The following CACNA1C variants were observed in gnomAD, a reference collection of about 807,000 sequenced individuals.
CACNA1C encodes the protein voltage-dependent L-type calcium channel subunit alpha-1C.
In CACNA1C, 30 loss-of-function variants were observed where a neutral mutation model predicts 229.0. The ratio of observed to expected loss-of-function variants is 0.13; its 90% CI spans 0.10 to 0.18. CACNA1C has a LOEUF of 0.18. CACNA1C is among the 10% of genes least tolerant of loss of function. The probability of loss-of-function intolerance (pLI) is 1.00; values close to 1 mark genes in which losing one functional copy is unlikely to be tolerated. For missense variants in CACNA1C, 1,658 were observed against 2,845.0 expected, an observed-to-expected ratio of 0.58 and a Z score of 9.49; for synonymous variants, 1,114 against 1,132.5, an observed-to-expected ratio of 0.98 and a Z score of 0.33.
At chr12:2,161,847 TG>T in intron 3 of CACNA1C, among the ~76,000 whole-genome samples, 1 of 152,330 alleles carries the variant, frequency 6.6e-6, no homozygotes, top group Middle Eastern at 3.4e-3. Flanking sequence ...GCAGAAATGC[TG>T]GTTGGGGATC....
intron 3 of CACNA1C, among the ~76,000 whole-genome samples, chr12:2,340,944 G>A (rs1358386990): frequency 1.3e-5 from 2 of 149,094 alleles, no homozygotes; most frequent in African/African-American, 5.2e-5. Context: ...GCGACAGAGT[G>A]AGACTCCGTC....
rs1601019645 is a variant in CACNA1C at position 2,582,896 on chromosome 12, G to A, written c.2178G>A (p.Gly726=). 6.2e-7 allele frequency: 1 copy of A among 1,604,238 alleles called. No homozygotes were observed. The highest frequency in any genetic ancestry group is 1.1e-5 in the South Asian group (1 of 89,214). The change falls in exon 15 of 47, where the codon GGG becomes GGA. Residue 726 remains glycine, a synonymous_variant. Transcript: ENST00000399655. ...IMAYGGPSFP[G]MLVCIYFIIL... is the part of the protein sequence containing the mutation. ...CTTATGGCGGCCCCTCTTTTCCAGG[G>A]ATGTTAGTCTGTATTTACTTCATCA...
At position 2,696,159 on chromosome 12, in the gene CACNA1C, G is replaced by T. The variant is rs2153903423; in HGVS notation, c.*4960G>T. 6.6e-6 allele frequency: 1 copy of T among 152,328 alleles called. No individual in the cohort carries two copies. The highest frequency in any genetic ancestry group is 3.4e-3 in the Middle Eastern group (1 of 294). The allele number at this position is 152,328 out of a possible 1,614,324, so 9.4% of individuals were successfully genotyped here. A position where few individuals can be genotyped will look rare whatever the true frequency, so the allele number is the denominator to read the frequency against. ...GGTTTGAGCCACAGCACCTGAAGTG[G>T]CAAAGATCCATGGTCTTTGTAGGGT... On this transcript the variant is annotated 3_prime_UTR_variant, in exon 47 of 47. Coordinates refer to ENST00000399655, the MANE Select transcript of CACNA1C (RefSeq NM_000719.7).
At chr12:2,402,546 C>T (rs937116773) in intron 3 of CACNA1C, among the ~76,000 whole-genome samples, 5 of 152,230 alleles carry the variant, frequency 3.3e-5, no homozygotes, top group African/African-American at 1.2e-4. Flanking sequence ...TAAGCAAAGC[C>T]TTTAACCTCT....
chr12:2,008,013 T>C (rs922599916), intron 1 of CACNA1C, among the ~76,000 whole-genome samples: 2 of 152,254 alleles, frequency 1.3e-5, no homozygotes, highest in Non-Finnish European at 2.9e-5. Context: ...AAATCTAGCC[T>C]GAAAACATTA....
At chr12:2,420,151 G>A (rs1047705563) in intron 3 of CACNA1C, among the ~76,000 whole-genome samples, 4 of 150,222 alleles carry the variant, frequency 2.7e-5, no homozygotes, top group Non-Finnish European at 5.9e-5. Context: ...GTGTGTGTAG[G>A]GGGAGGGAGC....
At chr12:2,644,605 A>T (rs1376178438) in intron 30 of CACNA1C, among the ~76,000 whole-genome samples, 1 of 152,152 alleles carries the variant, frequency 6.6e-6, no homozygotes, top group African/African-American at 2.4e-5. Flanking sequence ...CTGGTGGGAA[A>T]ATCCTCCACC....
intron 9 of CACNA1C, among the ~76,000 whole-genome samples, chr12:2,535,850 T>C (rs1179986516): frequency 6.6e-6 from 1 of 151,448 alleles, no homozygotes; most frequent in Non-Finnish European, 1.5e-5. Flanking sequence ...GGAGAAGAAT[T>C]AAAGCAAAGG....
At chr12:2,190,216 C>T (rs954089557) in intron 3 of CACNA1C, among the ~76,000 whole-genome samples, 3 of 152,176 alleles carry the variant, frequency 2.0e-5, no homozygotes, top group Non-Finnish European at 4.4e-5. Flanking sequence ...TGTGAAATGG[C>T]GTGTTTAAAC....
chr12:2,681,002 T>G (rs956062808), intron 42 of CACNA1C, among the ~76,000 whole-genome samples: 3 of 152,152 alleles, frequency 2.0e-5, no homozygotes, highest in African/African-American at 7.2e-5. Flanking sequence ...GCACCTGTTG[T>G]GGGGGCCTCA....
At chr12:2,417,880 G>T (rs905303197) in intron 3 of CACNA1C, among the ~76,000 whole-genome samples, 2 of 152,076 alleles carry the variant, frequency 1.3e-5, no homozygotes, top group Non-Finnish European at 2.9e-5. Context: ...AATGGCAAGG[G>T]GGGCCTCCCA....
chr12:2,270,669 A>G lies in CACNA1C; in HGVS notation c.477+150239A>G, dbSNP rs75227160. 2.8e-4 allele frequency among the ~76,000 whole-genome samples: 42 copies of G among 152,298 alleles called. No homozygotes were observed. In the East Asian group the frequency reaches 7.3e-3, roughly 27 times the overall value. On this transcript the variant is annotated intron_variant, in intron 3 of 46. Coordinates refer to ENST00000399655, the MANE Select transcript of CACNA1C (RefSeq NM_000719.7). ...CCAGGATGGAGGAAGCAGGAGTGGA[A>G]GGTCATTGGACTCCCTTTCTGGTTT...
chr12:1,974,417 A>C (rs2033625250), intron 1 of CACNA1C, among the ~76,000 whole-genome samples: 1 of 152,132 alleles, frequency 6.6e-6, no homozygotes, highest in South Asian at 2.1e-4. Flanking sequence ...TGTCATTAGG[A>C]TATGAGCTCC....
chr12:2,556,210 G>C (rs1599928564), intron 10 of CACNA1C, among the ~76,000 whole-genome samples: 1 of 152,096 alleles, frequency 6.6e-6, no homozygotes, highest in African/African-American at 2.4e-5. Context: ...CTCTTCTCCA[G>C]CCTCCTGCCT....
At chr12:2,208,618 G>A (rs969649365) in intron 3 of CACNA1C, among the ~76,000 whole-genome samples, 2 of 152,154 alleles carry the variant, frequency 1.3e-5, no homozygotes, top group African/African-American at 4.8e-5. Context: ...GCATTTGAGG[G>A]ACTCAGGGCA....
intron 3 of CACNA1C, among the ~76,000 whole-genome samples, chr12:2,424,916 A>C (rs1229559176): frequency 6.6e-6 from 1 of 152,166 alleles, no homozygotes; most frequent in East Asian, 1.9e-4. Flanking sequence ...GTGGTCCTCT[A>C]TTGGCCAACA....
chr12:2,349,423 G>A (rs2097143189), intron 3 of CACNA1C, among the ~76,000 whole-genome samples: 1 of 152,092 alleles, frequency 6.6e-6, no homozygotes, highest in Non-Finnish European at 1.5e-5. Flanking sequence ...TTTTTTTAAA[G>A]TTAAGAAGAA....
intron 29 of CACNA1C, among the ~76,000 whole-genome samples, chr12:2,621,356 A>G (rs529393034): frequency 1.3e-5 from 2 of 152,276 alleles, no homozygotes; most frequent in Admixed American, 6.5e-5. Flanking sequence ...GAAGAGGAGC[A>G]TTTCAGGCAG....
intron 29 of CACNA1C, among the ~76,000 whole-genome samples, chr12:2,618,912 C>T (rs1193221972): frequency 9.9e-5 from 15 of 152,246 alleles, no homozygotes; most frequent in Admixed American, 9.8e-4. Flanking sequence ...TTCTCTCCAA[C>T]TTGACCTCTG....
Sources: allele counts gnomAD v4.1 joint callset (sites outside exome capture counted in the v4.1 genomes callset), GRCh38; gene constraint gnomAD v4.1.1; transcripts MANE v1.5; gene names NCBI Gene and HGNC (gene_info 2026-07-23, HGNC 2026-07-21).